The following ZC2HC1A variants were observed in gnomAD, a reference collection of about 807,000 sequenced individuals.
ZC2HC1A encodes zinc finger C2HC-type containing 1A, also known as zinc finger C2HC domain-containing protein 1A.
A neutral mutation model predicts 40.7 loss-of-function variants in ZC2HC1A; 28 were observed. That is an observed-to-expected ratio of 0.69 (90% confidence interval 0.51 to 0.94). The LOEUF is 0.94. ZC2HC1A is among the 40% of genes least tolerant of loss of function. The probability of loss-of-function intolerance (pLI) is 0.00; values close to 1 mark genes in which losing one functional copy is unlikely to be tolerated. For synonymous variants in ZC2HC1A, 129 were observed against 129.2 expected, an observed-to-expected ratio of 1.00 and a Z score of 0.01; for missense variants, 389 against 386.3, an observed-to-expected ratio of 1.01 and a Z score of -0.06.
intron 7 of ZC2HC1A, among the ~76,000 whole-genome samples, chr8:78,711,607 G>T (rs908622853): frequency 2.6e-5 from 4 of 152,176 alleles, no homozygotes; most frequent in Non-Finnish European, 2.9e-5. Flanking sequence ...GAAGAGTAGA[G>T]AAAGTTTCCA....
Position 78,715,207 on chromosome 8 carries a change from C to A in ZC2HC1A, c.705-14C>A. 6.2e-7 allele frequency: 1 copy of A among 1,607,538 alleles called. No individual in the cohort carries two copies. The highest frequency in any genetic ancestry group is 8.5e-7 in the Non-Finnish European group (1 of 1,176,932). On this transcript the variant is annotated splice_polypyrimidine_tract_variant and intron_variant, in intron 7 of 8. Transcript: ENST00000263849. ...TGTTCAATACTTTTCCATTATTTTT[C>A]CTCTTTTTTATAGAGCTAATGTCAA...
intron 7 of ZC2HC1A, among the ~76,000 whole-genome samples, 159 bp from the exon 8 acceptor site, chr8:78,715,062 A>G (rs1445826587): frequency 2.0e-5 from 3 of 152,192 alleles, no homozygotes; most frequent in African/African-American, 7.2e-5. Context: ...TTTAATATTA[A>G]CTACTATTTG....
intron 7 of ZC2HC1A, among the ~76,000 whole-genome samples, chr8:78,700,281 G>T (rs1810557403): frequency 6.6e-6 from 1 of 151,894 alleles, no homozygotes; most frequent in African/African-American, 2.4e-5. Flanking sequence ...AAAAGTGTCT[G>T]TTCATGTCTG....
intron 7 of ZC2HC1A, among the ~76,000 whole-genome samples, chr8:78,707,970 A>G (rs977594025): frequency 1.3e-5 from 2 of 152,128 alleles, no homozygotes; most frequent in African/African-American, 2.4e-5. Context: ...AAAATCTAGC[A>G]GAATGCCTAG....
At chr8:78,666,992 A>G (rs932881356) in intron 1 of ZC2HC1A, among the ~76,000 whole-genome samples, 1 of 152,356 alleles carries the variant, frequency 6.6e-6, no homozygotes, top group East Asian at 1.9e-4. Flanking sequence ...TTAATTTGTT[A>G]TGATGAAGAA....
At chr8:78,690,572 A>C (rs1426470999) in intron 5 of ZC2HC1A, among the ~76,000 whole-genome samples, 44 of 152,188 alleles carry the variant, frequency 2.9e-4, no homozygotes, top group Non-Finnish European at 1.0e-4. Flanking sequence ...AAAAAAAAAA[A>C]AAACTTTGGC....
At chr8:78,690,078 C>T (rs1810157725) in intron 5 of ZC2HC1A, among the ~76,000 whole-genome samples, 1 of 152,154 alleles carries the variant, frequency 6.6e-6, no homozygotes, top group Admixed American at 6.6e-5. Flanking sequence ...TGATGAATTG[C>T]TGAGGCACCT....
chr8:78,680,167 A>G (rs1208930834), intron 3 of ZC2HC1A, among the ~76,000 whole-genome samples: 1 of 152,092 alleles, frequency 6.6e-6, no homozygotes, highest in East Asian at 1.9e-4. Context: ...ATTTCAATGA[A>G]TATTAGTCAT....
In ZC2HC1A at chr8:78,709,095, G is replaced by A. The variant is rs75735140; in HGVS notation, c.705-6126G>A. On this transcript the variant is annotated intron_variant, in intron 7 of 8. Coordinates refer to ENST00000263849, the MANE Select transcript of ZC2HC1A (RefSeq NM_016010.3). ...GTTGTACCTTATTACCAGTTTAAAT[G>A]GATATCTCAGTTAATAATTTTCAAT... 8.7e-3 allele frequency among the ~76,000 whole-genome samples: 1,325 copies of A among 152,176 alleles called. 17 individuals carry two copies. Among genetic ancestry groups the A allele is most frequent in the African/African-American group, 0.031 (1,269 of 41,516 alleles).
intron 7 of ZC2HC1A, among the ~76,000 whole-genome samples, chr8:78,711,242 A>T (rs1209926361): frequency 6.6e-6 from 1 of 152,066 alleles, no homozygotes; most frequent in Non-Finnish European, 1.5e-5. Flanking sequence ...CTATGACTAG[A>T]TGTTGGTTGG....
At chr8:78,675,892 G>A (rs367811198) in intron 2 of ZC2HC1A, 29 bp downstream of exon 2, 10 of 1,563,210 alleles carry the variant, frequency 6.4e-6, no homozygotes, top group Middle Eastern at 1.7e-4. Flanking sequence ...TACCTTTATG[G>A]TTTTACAGAT....
At chr8:78,673,448 G>A (rs1045742590) in intron 1 of ZC2HC1A, among the ~76,000 whole-genome samples, 1 of 152,124 alleles carries the variant, frequency 6.6e-6, no homozygotes, top group African/African-American at 2.4e-5. Flanking sequence ...GGATTGCTGG[G>A]TCAAATGGTA....
chr8:78,677,234 G>T (rs1809610357), intron 2 of ZC2HC1A, among the ~76,000 whole-genome samples: 1 of 152,062 alleles, frequency 6.6e-6, no homozygotes, highest in African/African-American at 2.4e-5. Flanking sequence ...CAATCATCAT[G>T]CTTAATATAG....
chr8:78,709,492 C>G (rs1320663216), intron 7 of ZC2HC1A, among the ~76,000 whole-genome samples: 3 of 151,978 alleles, frequency 2.0e-5, no homozygotes, highest in Admixed American at 2.0e-4. Flanking sequence ...ATGTGGATAA[C>G]AATGATTGGA....
intron 1 of ZC2HC1A, among the ~76,000 whole-genome samples, chr8:78,668,845 A>G (rs1809370905): frequency 6.6e-6 from 1 of 152,132 alleles, no homozygotes; most frequent in African/African-American, 2.4e-5. Context: ...TTTTATTTGT[A>G]AAATGGAGAG....
chr8:78,708,869 CA>C (rs1331634502), intron 7 of ZC2HC1A, among the ~76,000 whole-genome samples: 2 of 151,886 alleles, frequency 1.3e-5, no homozygotes, highest in Non-Finnish European at 2.9e-5. Flanking sequence ...GGGTTTTCAC[CA>C]TGTTAGGCTG....
At chr8:78,696,802 G>A (rs1810432015) in intron 5 of ZC2HC1A, among the ~76,000 whole-genome samples, 1 of 152,116 alleles carries the variant, frequency 6.6e-6, no homozygotes, top group Non-Finnish European at 1.5e-5. Context: ...GTTTTTATCA[G>A]TAGGAAATAT....
intron 1 of ZC2HC1A, among the ~76,000 whole-genome samples, chr8:78,666,519 A>G (rs1433781980): frequency 6.6e-6 from 1 of 152,096 alleles, no homozygotes; most frequent in African/African-American, 2.4e-5. Context: ...TTTTCCTTGT[A>G]CTGGACTCTC....
intron 5 of ZC2HC1A, among the ~76,000 whole-genome samples, chr8:78,695,757 G>C (rs527649277): frequency 2.6e-5 from 4 of 152,170 alleles, no homozygotes; most frequent in Middle Eastern, 3.4e-3. Flanking sequence ...AAGTCTCATA[G>C]ACATTTGTTA....
Sources: gnomAD v4.1 joint callset for allele counts (sites outside exome capture counted in the v4.1 genomes callset) on GRCh38, gnomAD v4.1.1 for gene constraint, MANE v1.5 for transcripts, NCBI Gene and HGNC (gene_info 2026-07-23, HGNC 2026-07-21) for gene names.